Variants in GRHL2 observed in about 807,000 individuals in gnomAD.
GRHL2 encodes the protein grainyhead-like protein 2 homolog.
In GRHL2, 21 loss-of-function variants were observed where a neutral mutation model predicts 83.8. That is an observed-to-expected ratio of 0.25 (90% CI 0.18 to 0.36). The LOEUF (loss-of-function observed/expected upper bound fraction) is 0.36. Among genes scored for constraint, GRHL2 ranks in the 10% least tolerant of loss-of-function variants. The probability of loss-of-function intolerance (pLI) is 1.00; values close to 1 mark genes in which losing one functional copy is unlikely to be tolerated. For missense variants in GRHL2, 623 were observed against 781.8 expected (o/e 0.80, Z 2.42); for synonymous variants, 280 against 278.9 (o/e 1.00, Z -0.04).
chr8:101,638,328 A>G (rs1285914391), intron 12 of GRHL2, among the ~76,000 whole-genome samples: 1 of 152,278 alleles, frequency 6.6e-6, no homozygotes, highest in Non-Finnish European at 1.5e-5. Context: ...CTATTTTAGT[A>G]TAGTCTGCAA....
At chr8:101,514,829 G>T (rs1471599938) in intron 1 of GRHL2, among the ~76,000 whole-genome samples, 1 of 152,098 alleles carries the variant, frequency 6.6e-6, no homozygotes, top group Non-Finnish European at 1.5e-5. Context: ...CAACCTTTAA[G>T]TTCCACTTCC....
intron 1 of GRHL2, among the ~76,000 whole-genome samples, chr8:101,512,446 A>T (rs1326381236): frequency 1.3e-5 from 2 of 152,170 alleles, no homozygotes; most frequent in Admixed American, 6.5e-5. Context: ...GTACTATTTT[A>T]AGAAGTATCT....
chr8:101,644,269 G>C (rs755169025), intron 13 of GRHL2, 44 bp downstream of exon 13: 1 of 1,491,592 alleles, frequency 6.7e-7, no homozygotes, highest in African/African-American at 1.4e-5. Flanking sequence ...GGGATGCGGG[G>C]TGTCTCTCCC....
At chr8:101,506,292 G>A (rs192942434) in intron 1 of GRHL2, among the ~76,000 whole-genome samples, 185 of 152,254 alleles carry the variant, frequency 1.2e-3, no homozygotes, top group African/African-American at 4.3e-3. Flanking sequence ...AATAATATAT[G>A]CTTATGGGGA....
intron 14 of GRHL2, among the ~76,000 whole-genome samples, chr8:101,659,090 C>A (rs1011392075): frequency 2.0e-5 from 3 of 152,128 alleles, no homozygotes; most frequent in Non-Finnish European, 2.9e-5. Context: ...TAATAAAAAA[C>A]CATGCTTATG....
At chr8:101,609,348 T>C (rs1812701894) in intron 8 of GRHL2, among the ~76,000 whole-genome samples, 1 of 105,552 alleles carries the variant, frequency 9.5e-6, no homozygotes. Context: ...ACACAAATAC[T>C]TGTCTCCCAA....
intron 9 of GRHL2, among the ~76,000 whole-genome samples, chr8:101,623,813 T>TACAGTACACAATAGG (rs1813013848): frequency 1.7e-5 from 1 of 60,142 alleles, no homozygotes; most frequent in Non-Finnish European, 5.4e-5. Flanking sequence ...TAGGACAGTT[T>TACAGTACACAATAGG]ACAGTACACA....
Position 101,492,809 on chromosome 8 carries a change from C to T in GRHL2, c.20+20C>T. On this transcript the variant is annotated intron_variant, in intron 1 of 15. Coordinates refer to ENST00000646743, the MANE Select transcript of GRHL2 (RefSeq NM_024915.4). ...GGACAAGTAAGTGGATCACACGCGC[C>T]GGCTGCTGCTACTACTACCACTTTG... is the stretch of plus-strand genomic sequence containing the variant. 2 of 1,613,112 alleles carry T rather than the reference C, an allele frequency of 1.2e-6. No homozygotes were observed. Among genetic ancestry groups the T allele is most frequent in the Non-Finnish European group, 1.7e-6 (2 of 1,179,054 alleles).
Position 101,644,026 on chromosome 8 carries a change from T to C in GRHL2, c.1518-105T>C, listed in dbSNP as rs909258888. ...GGTGAGTAGATCCAGTTACGGAGCA[T>C]AGGGACGGTATAAGCAAAGGGAAAG... On this transcript the variant is annotated intron_variant, in intron 12 of 15. Transcript: ENST00000646743. 6.1e-6 allele frequency: 6 copies of C among 980,014 alleles called. No homozygotes were observed. In the African/African-American group the frequency reaches 6.4e-5, roughly 10 times the overall value. The allele number at this position is 980,014 out of a possible 1,614,324, so 60.7% of individuals were successfully genotyped here.
chr8:101,620,030 A>G (rs1478660882), intron 9 of GRHL2, among the ~76,000 whole-genome samples: 1 of 152,174 alleles, frequency 6.6e-6, no homozygotes, highest in Non-Finnish European at 1.5e-5. Context: ...TAGAGGCTGG[A>G]AAGTCCAAGG....
At chr8:101,529,432 CA>C (rs11402395) in intron 1 of GRHL2, 181 of 139,084 alleles carry the variant, frequency 1.3e-3, no homozygotes, top group South Asian at 6.1e-3. Context: ...GACTCCCTCT[CA>C]AAAAAAAAAA....
the GRHL2 span, among the ~76,000 whole-genome samples, chr8:101,678,144 G>A: frequency 6.6e-6 from 1 of 152,194 alleles, no homozygotes; most frequent in Non-Finnish European, 1.5e-5. Flanking sequence ...CAGAAGACGG[G>A]TGATTTCTGC....
chr8:101,573,782 C>T lies in GRHL2; in HGVS notation c.849C>T (p.Thr283=), dbSNP rs138628340. The stretch of plus-strand genomic sequence containing the variant: ...TCTATGCCATAACACTCAGCGAGAC[C>T]GGAGACAACAAATGCTTCCGACACC... ...GQFYAITLSE[T]GDNKCFRHPI... Residue 283 remains threonine, a synonymous_variant, in exon 6 of 16, where the codon ACC becomes ACT. Coordinates refer to ENST00000646743, the MANE Select transcript of GRHL2 (RefSeq NM_024915.4). 216 of 1,614,044 alleles carry T rather than the reference C, an allele frequency of 1.3e-4. No individual in the cohort carries two copies. Among genetic ancestry groups the T allele is most frequent in the Middle Eastern group, 1.6e-4 (1 of 6,084 alleles).
intron 12 of GRHL2, among the ~76,000 whole-genome samples, chr8:101,640,004 AG>A (rs1376300796): frequency 6.6e-6 from 1 of 152,244 alleles, no homozygotes; most frequent in African/African-American, 2.4e-5. Context: ...ACAATCATGC[AG>A]ATGTGTTGAC....
At chr8:101,598,414 A>G (rs1006255156) in intron 7 of GRHL2, among the ~76,000 whole-genome samples, 2 of 151,704 alleles carry the variant, frequency 1.3e-5, no homozygotes, top group African/African-American at 4.8e-5. Flanking sequence ...TAATTTTTAT[A>G]TTTTTAGTAG....
At chr8:101,617,037 T>G (rs1812870808) in intron 8 of GRHL2, among the ~76,000 whole-genome samples, 1 of 152,232 alleles carries the variant, frequency 6.6e-6, no homozygotes, top group Non-Finnish European at 1.5e-5. Context: ...TACCCATTTC[T>G]TTTTGTTTTT....
At chr8:101,501,212 CT>C (rs1810222026) in intron 1 of GRHL2, among the ~76,000 whole-genome samples, 1 of 152,194 alleles carries the variant, frequency 6.6e-6, no homozygotes. Context: ...GATGAAGTAC[CT>C]TATTTTACTT....
intron 4 of GRHL2, among the ~76,000 whole-genome samples, chr8:101,565,986 G>T (rs980653483): frequency 2.6e-5 from 4 of 152,154 alleles, no homozygotes; most frequent in African/African-American, 9.7e-5. Context: ...AACTGGAAGT[G>T]ATCCTGGATC....
At chr8:101,633,162 G>A (rs1194623120) in intron 11 of GRHL2, among the ~76,000 whole-genome samples, 2 of 152,036 alleles carry the variant, frequency 1.3e-5, no homozygotes, top group Admixed American at 6.6e-5. Context: ...TATGAGATAT[G>A]GCTGATTTTT....
Sources: gnomAD v4.1 joint callset for allele counts (sites outside exome capture counted in the v4.1 genomes callset) on GRCh38, gnomAD v4.1.1 for gene constraint, MANE v1.5 for transcripts, NCBI Gene and HGNC (gene_info 2026-07-23, HGNC 2026-07-21) for gene names.